The following ZNF536 variants were observed in gnomAD, a reference collection of about 807,000 sequenced individuals.
ZNF536 encodes zinc finger protein 536.
ZNF536 carries 13 observed loss-of-function variants against 84.5 expected under a neutral mutation model. That is an observed-to-expected ratio of 0.15 (90% CI 0.10 to 0.24). ZNF536 has a LOEUF of 0.24. Ranked by LOEUF, ZNF536 falls within the 10% of genes least tolerant of loss-of-function variation. ZNF536 has a pLI of 1.00. For synonymous variants in ZNF536, 811 were observed against 742.5 expected (o/e 1.09, Z -1.50); for missense variants, 1,536 against 1,747.5 (o/e 0.88, Z 2.16).
intron 1 of ZNF536, among the ~76,000 whole-genome samples, chr19:30,634,139 C>G (rs954881201): frequency 6.6e-6 from 1 of 151,814 alleles, no homozygotes; most frequent in Non-Finnish European, 1.5e-5. Flanking sequence ...ATTAAAGACC[C>G]AAATGTCTTT....
Position 30,236,531 on chromosome 19 carries a change from G to GT in ZNF536, c.-190+7858_-190+7859insT, listed in dbSNP as rs545444697. Among the ~76,000 whole-genome samples the GT allele has an allele frequency of 3.5e-3, 493 of 139,194 alleles. 4 individuals carry two copies. The highest frequency in any genetic ancestry group is 5.5e-3 in the Non-Finnish European group (354 of 64,134). The allele number at this position is 139,194 out of a possible 152,430, so 91.3% of individuals were successfully genotyped here. ...AAAAGCTTTTGTTAAAGTTGGGGCGGGGGGGGGGTACAATTGGAATTTTAG... is the reference window on the plus strand; with the variant it reads ...AAAAGCTTTTGTTAAAGTTGGGGCGGTGGGGGGGGTACAATTGGAATTTTAG... On this transcript the variant is annotated intron_variant, in intron 1 of 5. Transcript: ENST00000585628.
chr19:30,308,353 T>G (rs1285478355), intron 2 of ZNF536, among the ~76,000 whole-genome samples: 1 of 151,722 alleles, frequency 6.6e-6, no homozygotes, highest in African/African-American at 2.4e-5. Flanking sequence ...TTGTGAACAT[T>G]TTTTTTTTCA....
intron 1 of ZNF536, among the ~76,000 whole-genome samples, chr19:30,670,079 C>T (rs2050485778): frequency 6.6e-6 from 1 of 152,232 alleles, no homozygotes; most frequent in African/African-American, 2.4e-5. Context: ...GACTCACGGG[C>T]TTCTTAGCCT....
chr19:30,407,895 T>C (rs1427260041), intron 1 of ZNF536, among the ~76,000 whole-genome samples: 1 of 152,316 alleles, frequency 6.6e-6, no homozygotes, highest in South Asian at 2.1e-4. Flanking sequence ...TTTCTCTCAT[T>C]AGATCTGGGG....
At chr19:30,572,112 T>C (rs2046568618) in intron 1 of ZNF536, among the ~76,000 whole-genome samples, 2 of 152,212 alleles carry the variant, frequency 1.3e-5, no homozygotes, top group Non-Finnish European at 2.9e-5. Flanking sequence ...CGGCCCTAAC[T>C]GTCATGGTAG....
chr19:30,623,457 A>G (rs1018219325), intron 1 of ZNF536, among the ~76,000 whole-genome samples: 39 of 152,216 alleles, frequency 2.6e-4, no homozygotes, highest in African/African-American at 9.4e-4. Flanking sequence ...GCTTGCCACT[A>G]TGCCCTGGCT....
At chr19:30,628,678 C>G (rs995650059) in intron 1 of ZNF536, among the ~76,000 whole-genome samples, 1 of 151,964 alleles carries the variant, frequency 6.6e-6, no homozygotes, top group African/African-American at 2.4e-5. Context: ...ATCCACCCAC[C>G]TTGGCCTCCC....
intron 4 of ZNF536, chr19:30,554,661 T>A (rs1008825759): frequency 1.3e-5 from 2 of 152,184 alleles, no homozygotes; most frequent in African/African-American, 4.8e-5. Context: ...GGGGTGTCTG[T>A]GGCGACCACC....
intron 1 of ZNF536, among the ~76,000 whole-genome samples, chr19:30,249,848 T>C (rs2024505950): frequency 6.6e-6 from 1 of 152,150 alleles, no homozygotes; most frequent in African/African-American, 2.4e-5. Flanking sequence ...AGTGGGAAAG[T>C]GTCTAGCCAA....
intron 1 of ZNF536, among the ~76,000 whole-genome samples, chr19:30,586,423 A>G (rs898487584): frequency 1.3e-5 from 2 of 152,252 alleles, no homozygotes; most frequent in Non-Finnish European, 2.9e-5. Flanking sequence ...AGGAAGACAA[A>G]TGAATTCAGA....
At chr19:30,506,635 T>A (rs1158028879) in intron 2 of ZNF536, among the ~76,000 whole-genome samples, 1 of 151,952 alleles carries the variant, frequency 6.6e-6, no homozygotes, top group Non-Finnish European at 1.5e-5. Flanking sequence ...GTTGTGGGGG[T>A]GTGGGGTGCA....
In ZNF536 at chr19:30,594,250, T is replaced by C. The variant is rs140221366; in HGVS notation, c.169+44736T>C. ...GGAAATGCCTATTTGACCCAGCATCTGTCCATACACGGCCAGCAGCCAGGT... is the reference window on the plus strand; with the variant it reads ...GGAAATGCCTATTTGACCCAGCATCCGTCCATACACGGCCAGCAGCCAGGT... On this transcript the variant is annotated intron_variant, in intron 1 of 1. Coordinates refer to the ZNF536 transcript ENST00000592773. Among the ~76,000 whole-genome samples the C allele has an allele frequency of 9.6e-4, 146 of 152,344 alleles. 1 individual carries two copies. The highest frequency in any genetic ancestry group is 3.1e-3 in the African/African-American group (131 of 41,588).
intron 1 of ZNF536, among the ~76,000 whole-genome samples, chr19:30,390,329 A>T (rs2049530996): frequency 6.6e-6 from 1 of 152,232 alleles, no homozygotes; most frequent in Admixed American, 6.5e-5. Flanking sequence ...ATAAGCTCGC[A>T]TGCTGAAAAA....
At chr19:30,636,799 T>C (rs1269709448) in intron 1 of ZNF536, among the ~76,000 whole-genome samples, 1 of 152,174 alleles carries the variant, frequency 6.6e-6, no homozygotes, top group African/African-American at 2.4e-5. Flanking sequence ...CTGCAGCCTG[T>C]TGCGGGCCTG....
rs1467795571 is a variant in ZNF536 at position 30,340,911 on chromosome 19, C to T, written c.-119-11457C>T. Among the ~76,000 whole-genome samples, 3 of 152,218 alleles carry T rather than the reference C, an allele frequency of 2.0e-5. No homozygotes were observed. In the East Asian group the frequency reaches 5.8e-4, roughly 29 times the overall value. The stretch of plus-strand genomic sequence containing the variant: ...GGCATCGTGTGTGTGTTTTATGTCC[C>T]TTCTCTTCTGCTGCTGTGCACTTAA... On this transcript the variant is annotated intron_variant, in intron 2 of 5. Transcript: ENST00000585628.
intron 1 of ZNF536, among the ~76,000 whole-genome samples, chr19:30,622,095 G>A (rs2048503886): frequency 6.6e-6 from 1 of 152,204 alleles, no homozygotes; most frequent in African/African-American, 2.4e-5. Context: ...GCTGATGCAA[G>A]AGAGAGAGTT....
intron 2 of ZNF536, among the ~76,000 whole-genome samples, chr19:30,506,975 A>T (rs1233798642): frequency 6.6e-6 from 1 of 152,134 alleles, no homozygotes; most frequent in Non-Finnish European, 1.5e-5. Context: ...ATATCTTTTC[A>T]TTTTCACAAA....
chr19:30,438,351 A>C (rs2051852355), intron 1 of ZNF536, among the ~76,000 whole-genome samples: 1 of 152,170 alleles, frequency 6.6e-6, no homozygotes, highest in South Asian at 2.1e-4. Context: ...AGACTTAAAC[A>C]TAAGATGTGA....
intron 1 of ZNF536, among the ~76,000 whole-genome samples, chr19:30,611,231 C>A (rs1230937889): frequency 1.3e-5 from 2 of 152,120 alleles, no homozygotes; most frequent in African/African-American, 4.8e-5. Flanking sequence ...AGGAAGGAGT[C>A]TCCTCTCTTC....
Sources: gnomAD v4.1 joint callset for allele counts (sites outside exome capture counted in the v4.1 genomes callset) on GRCh38, gnomAD v4.1.1 for gene constraint, MANE v1.5 for transcripts, NCBI Gene and HGNC (gene_info 2026-07-23, HGNC 2026-07-21) for gene names.